The following SLC6A20 variants were observed in gnomAD, a reference collection of about 807,000 sequenced individuals.
The protein encoded by SLC6A20 is sodium- and chloride-dependent transporter XTRP3.
SLC6A20 carries 73 observed loss-of-function variants against 64.3 expected under a neutral mutation model. The ratio of observed to expected loss-of-function variants is 1.14; its 90% CI spans 0.94 to 1.38. SLC6A20 has a LOEUF of 1.38. Ranked by LOEUF, SLC6A20 falls within the 40% of genes most tolerant of loss-of-function variation. SLC6A20 has a pLI of 0.00. For synonymous variants in SLC6A20, 347 were observed against 329.6 expected, an observed-to-expected ratio of 1.05 and a Z score of -0.57; for missense variants, 725 against 772.8, an observed-to-expected ratio of 0.94 and a Z score of 0.73.
At chr3:45,784,960 T>C (rs1700148124) in intron 1 of SLC6A20, among the ~76,000 whole-genome samples, 1 of 152,094 alleles carries the variant, frequency 6.6e-6, no homozygotes, top group African/African-American at 2.4e-5. Flanking sequence ...ACAAAAACAC[T>C]CCTGGGATAA....
rs1699591459 is a variant in SLC6A20, at chr3:45,758,578, A to T, written c.*400T>A. On this transcript the variant is annotated 3_prime_UTR_variant, in exon 11 of 11. Transcript: ENST00000358525. Reference sequence around the variant, plus strand: ...AGGCACTTCAAAACTCCTTAAATGGATCTAAAAATATTTGTCCTCTAATAT... The same window carrying T: ...AGGCACTTCAAAACTCCTTAAATGGTTCTAAAAATATTTGTCCTCTAATAT... 2 of 1,104,758 alleles carry T rather than the reference A, an allele frequency of 1.8e-6. No individual in the cohort carries two copies. The highest frequency in any genetic ancestry group is 2.2e-6 in the Non-Finnish European group (2 of 899,042). The allele number at this position is 1,104,758 out of a possible 1,614,324, so 68.4% of individuals were successfully genotyped here. A position where few individuals can be genotyped will look rare whatever the true frequency, so the allele number is the denominator to read the frequency against.
At chr3:45,790,439 C>A (rs1700230599) in intron 1 of SLC6A20, 1 of 152,178 alleles carries the variant, frequency 6.6e-6, no homozygotes, top group South Asian at 2.1e-4. Flanking sequence ...ACTCTCCACC[C>A]CAGCGCCTTC....
chr3:45,763,690 G>A (rs945970985), intron 8 of SLC6A20, among the ~76,000 whole-genome samples: 3 of 152,128 alleles, frequency 2.0e-5, no homozygotes, highest in South Asian at 2.1e-4. Flanking sequence ...AGGCTCCCCC[G>A]ACATCCCATA....
In SLC6A20 at chr3:45,759,084, A is replaced by G. The variant is rs750290577; in HGVS notation, c.1673T>C (p.Val558Ala). 2 of 1,612,940 alleles carry G rather than the reference A, an allele frequency of 1.2e-6. No individual in the cohort carries two copies. The highest frequency in any genetic ancestry group is 2.2e-5 in the East Asian group (1 of 44,848). ...TKDYPAYALAVIGLLVASSTM... is the reference protein window; with the variant it reads ...TKDYPAYALAAIGLLVASSTM... ...GGAGGAGGCCACAAGCAGCCCGATG[A>G]CAGCCAGTGCATAGGCCGGGTAATC... The change falls in exon 11 of 11, where the codon GTC becomes GCC. Residue 558 changes from valine (V) to alanine (A), a missense_variant. Val to Ala is a moderately conservative substitution (Grantham distance 64). Coordinates refer to ENST00000358525, the MANE Select transcript of SLC6A20 (RefSeq NM_020208.4).
chr3:45,783,227 T>C (rs979555548), intron 1 of SLC6A20, among the ~76,000 whole-genome samples: 8 of 152,148 alleles, frequency 5.3e-5, no homozygotes, highest in African/African-American at 1.9e-4. Flanking sequence ...AGGGTGAGCC[T>C]AACAAAATGT....
At chr3:45,761,073 A>C (rs1384087013) in intron 9 of SLC6A20, among the ~76,000 whole-genome samples, 1 of 152,206 alleles carries the variant, frequency 6.6e-6, no homozygotes, top group Non-Finnish European at 1.5e-5. Flanking sequence ...CTGTGTGGCG[A>C]CCACCACCTG....
intron 1 of SLC6A20, among the ~76,000 whole-genome samples, chr3:45,795,785 G>C (rs1700335859): frequency 6.6e-6 from 1 of 152,150 alleles, no homozygotes; most frequent in Non-Finnish European, 1.5e-5. Context: ...GCTTTCTGTC[G>C]TTCCAAACTC....
At chr3:45,784,259 A>G (rs1225987017) in intron 1 of SLC6A20, among the ~76,000 whole-genome samples, 1 of 152,210 alleles carries the variant, frequency 6.6e-6, no homozygotes, top group African/African-American at 2.4e-5. Flanking sequence ...GCTCTGCAAT[A>G]AATTTTTCAA....
intron 2 of SLC6A20, 64 bp downstream of exon 2, chr3:45,782,019 C>G (rs899440202): frequency 2.7e-6 from 4 of 1,489,372 alleles, no homozygotes; most frequent in African/African-American, 2.8e-5. Flanking sequence ...CTGATGGGAT[C>G]CCACCCACAC....
chr3:45,775,661 C>T, intron 4 of SLC6A20, 100 bp downstream of exon 4: 1 of 1,147,068 alleles, frequency 8.7e-7, no homozygotes, highest in Non-Finnish European at 1.2e-6. Flanking sequence ...GCAGAGGGCA[C>T]TCCCTTGGCA....
chr3:45,771,820 T>C (rs373600059), intron 5 of SLC6A20: 32 of 276,570 alleles, frequency 1.2e-4, no homozygotes, highest in East Asian at 1.1e-3. Flanking sequence ...TACTGCAGGG[T>C]AAAATAATTA....
At chr3:45,784,650 A>C (rs1367098965) in intron 1 of SLC6A20, among the ~76,000 whole-genome samples, 2 of 152,232 alleles carry the variant, frequency 1.3e-5, no homozygotes, top group African/African-American at 4.8e-5. Context: ...AATAAGAAAA[A>C]TAACCCTTTC....
chr3:45,772,451 A>T, intron 5 of SLC6A20, 54 bp downstream of exon 5: 2 of 1,501,860 alleles, frequency 1.3e-6, no homozygotes, highest in Non-Finnish European at 1.8e-6. Context: ...CCATCCTGGA[A>T]GGTGGCAGGA....
intron 1 of SLC6A20, among the ~76,000 whole-genome samples, chr3:45,794,778 A>G (rs558655475): frequency 6.6e-6 from 1 of 152,338 alleles, no homozygotes; most frequent in Admixed American, 6.5e-5. Flanking sequence ...CTGAGCACAG[A>G]ATGATGTGGA....
Position 45,775,809 on chromosome 3 carries a change from C to A in SLC6A20, c.534G>T (p.Trp178Cys). ...WEPALCLLLA[W>C]LVVYLCILRG... ...GCAGGATGCACAGGTACACCACCAG[C>A]CAGGCCAGGAGGAGGCACAGCGCCG... The change falls in exon 4 of 11, where the codon TGG becomes TGT. Residue 178 changes from tryptophan (W) to cysteine (C), a missense_variant. By Grantham distance (215) the Trp-to-Cys change is radical. Transcript: ENST00000358525. 6.2e-7 allele frequency: 1 copy of A among 1,614,124 alleles called. No homozygotes were observed.
rs1468076201 is a variant in SLC6A20, at chr3:45,770,284, T to C, written c.1023A>G (p.Ala341=). 6.2e-7 allele frequency: 1 copy of C among 1,614,206 alleles called. No individual in the cohort carries two copies. Among genetic ancestry groups the C allele is most frequent in the Middle Eastern group, 1.6e-4 (1 of 6,062 alleles). The change falls in exon 7 of 11, where the codon GCA becomes GCG. Residue 341 remains alanine, a synonymous_variant. Coordinates refer to ENST00000358525, the MANE Select transcript of SLC6A20 (RefSeq NM_020208.4). ...SNLEQVKGYL[A]SAYPSKYSEM... ...CGCTGTATTTGCTTGGGTAGGCAGA[T>C]GCGAGGTAGCCCTTCACCTGCTCCA...
chr3:45,793,823 ATGGGTTGTAAACTGCC>A (rs1467797544), intron 1 of SLC6A20, among the ~76,000 whole-genome samples: 1 of 152,104 alleles, frequency 6.6e-6, no homozygotes, highest in Non-Finnish European at 1.5e-5. Context: ...CCGGTAAGGG[ATGGGTTGTAAACTGCC>A]TGGGTTTGGG....
chr3:45,794,061 C>T (rs1222724290), intron 1 of SLC6A20, among the ~76,000 whole-genome samples: 1 of 152,222 alleles, frequency 6.6e-6, no homozygotes, highest in African/African-American at 2.4e-5. Context: ...ATGTGCAGTT[C>T]TTCTGACCAA....
At chr3:45,782,466 T>C (rs1700109976) in intron 1 of SLC6A20, among the ~76,000 whole-genome samples, 1 of 152,018 alleles carries the variant, frequency 6.6e-6, no homozygotes, top group African/African-American at 2.4e-5. Context: ...TTCACCCACT[T>C]TCTATCCATC....
Sources: allele counts gnomAD v4.1 joint callset (sites outside exome capture counted in the v4.1 genomes callset), GRCh38; gene constraint gnomAD v4.1.1; transcripts MANE v1.5; gene names NCBI Gene and HGNC (gene_info 2026-07-23, HGNC 2026-07-21).